The following SERGEF variants were observed in gnomAD, a reference collection of about 807,000 sequenced individuals.
SERGEF encodes the protein secretion-regulating guanine nucleotide exchange factor.
Under a neutral mutation model 50.0 loss-of-function variants are expected in SERGEF, and 51 were observed. The observed-to-expected ratio is 1.02, with a 90% CI of 0.81 to 1.29. The LOEUF (loss-of-function observed/expected upper bound fraction) is 1.29. Ranked by LOEUF, SERGEF falls within the 50% of genes most tolerant of loss-of-function variation. SERGEF has a pLI of 0.00. For synonymous variants in SERGEF, 205 were observed against 212.4 expected (o/e 0.97, Z 0.30); for missense variants, 521 against 557.0 (o/e 0.94, Z 0.65).
intron 9 of SERGEF, among the ~76,000 whole-genome samples, chr11:17,895,958 A>G (rs1482186504): frequency 6.6e-6 from 1 of 152,224 alleles, no homozygotes; most frequent in Non-Finnish European, 1.5e-5. Context: ...TTATAGCATC[A>G]TAGGAATATA....
chr11:17,842,777 T>C (rs1850528632), intron 10 of SERGEF, among the ~76,000 whole-genome samples: 1 of 152,176 alleles, frequency 6.6e-6, no homozygotes, highest in Admixed American at 6.5e-5. Context: ...GATAAGCACT[T>C]ACCATTTTGC....
chr11:17,886,972 G>T (rs563808881), intron 9 of SERGEF, among the ~76,000 whole-genome samples: 6 of 152,250 alleles, frequency 3.9e-5, no homozygotes, highest in Middle Eastern at 3.4e-3. Context: ...TGAAAATTCT[G>T]CCTTGAAACA....
intron 10 of SERGEF, among the ~76,000 whole-genome samples, chr11:17,852,615 A>G (rs1274776640): frequency 6.6e-6 from 1 of 152,242 alleles, no homozygotes. Context: ...GTCATAAATC[A>G]TAATAAAGGA....
In SERGEF at chr11:17,862,212, C is replaced by T. The variant is rs148124405; in HGVS notation, c.1048+15996G>A. On this transcript the variant is annotated intron_variant, in intron 10 of 10. Transcript: ENST00000265965. ...TACCTTTCTCTTCTTCATACTCATC[C>T]GTTAAGACCCACTTCAAGGATCATC... Among the ~76,000 whole-genome samples the T allele has an allele frequency of 6.8e-4, 104 of 152,284 alleles. 2 individuals carry two copies. Among genetic ancestry groups the T allele is most frequent in the African/African-American group, 2.3e-3 (95 of 41,560 alleles).
At chr11:17,924,535 C>T (rs1377406820) in intron 9 of SERGEF, among the ~76,000 whole-genome samples, 2 of 152,028 alleles carry the variant, frequency 1.3e-5, no homozygotes, top group African/African-American at 4.8e-5. Flanking sequence ...CTGGAAGATA[C>T]TGAAAAGCCA....
intron 10 of SERGEF, among the ~76,000 whole-genome samples, chr11:17,835,916 C>T (rs1171393933): frequency 6.6e-6 from 1 of 152,188 alleles, no homozygotes; most frequent in Non-Finnish European, 1.5e-5. Context: ...GATAACTGGG[C>T]TTGCTCTGAA....
At chr11:18,004,709 A>G (rs891501706) in intron 3 of SERGEF, among the ~76,000 whole-genome samples, 174 bp from the exon 4 acceptor site, 2 of 152,228 alleles carry the variant, frequency 1.3e-5, no homozygotes, top group African/African-American at 4.8e-5. Context: ...CACCAGGTTA[A>G]GCACTCTACA....
At chr11:17,989,691 G>C (rs919343105) in intron 7 of SERGEF, among the ~76,000 whole-genome samples, 1 of 152,198 alleles carries the variant, frequency 6.6e-6, no homozygotes, top group Non-Finnish European at 1.5e-5. Context: ...ATCTACAGCT[G>C]TACTACCCAA....
chr11:17,956,532 A>C (rs544813308), intron 9 of SERGEF, among the ~76,000 whole-genome samples: 1 of 152,340 alleles, frequency 6.6e-6, no homozygotes, highest in South Asian at 2.1e-4. Flanking sequence ...ATTGGCCTAT[A>C]ATAAGCACTA....
chr11:17,906,398 T>C (rs1392109171), intron 9 of SERGEF, among the ~76,000 whole-genome samples: 1 of 152,164 alleles, frequency 6.6e-6, no homozygotes, highest in Non-Finnish European at 1.5e-5. Context: ...GAAAAAGCCA[T>C]TCTTGAGCTG....
At chr11:17,829,691 G>T (rs953975731) in intron 10 of SERGEF, among the ~76,000 whole-genome samples, 1 of 152,102 alleles carries the variant, frequency 6.6e-6, no homozygotes, top group East Asian at 1.9e-4. Context: ...TATCAGCTGT[G>T]AAAAAGTAAA....
At chr11:17,867,973 C>T (rs564173597) in intron 10 of SERGEF, among the ~76,000 whole-genome samples, 2 of 152,268 alleles carry the variant, frequency 1.3e-5, no homozygotes, top group Non-Finnish European at 1.5e-5. Flanking sequence ...CCCAGAAAAC[C>T]GTCTTTTCCT....
intron 10 of SERGEF, among the ~76,000 whole-genome samples, chr11:17,792,574 G>T (rs1441541438): frequency 6.6e-6 from 1 of 152,210 alleles, no homozygotes; most frequent in Non-Finnish European, 1.5e-5. Flanking sequence ...GGATTTTCAT[G>T]CCCACTGGGT....
chr11:17,803,822 C>CCCTT (rs1380144624), intron 10 of SERGEF, among the ~76,000 whole-genome samples: 1 of 152,196 alleles, frequency 6.6e-6, no homozygotes, highest in Non-Finnish European at 1.5e-5. Flanking sequence ...CTCCATGGAC[C>CCCTT]CCTTGCATGG....
intron 8 of SERGEF, among the ~76,000 whole-genome samples, chr11:17,984,847 G>A (rs1853563226): frequency 6.6e-6 from 1 of 152,174 alleles, no homozygotes; most frequent in African/African-American, 2.4e-5. Flanking sequence ...TATGTATCAG[G>A]CCTGTGCCAG....
chr11:18,001,811 C>T (rs1323307028), intron 4 of SERGEF: 4 of 232,240 alleles, frequency 1.7e-5, no homozygotes, highest in Non-Finnish European at 2.6e-5. Context: ...TCTAGTTGTT[C>T]AATCTTTCTC....
chr11:17,953,795 TA>T (rs1409853887), intron 9 of SERGEF, among the ~76,000 whole-genome samples: 3 of 152,136 alleles, frequency 2.0e-5, no homozygotes, highest in Non-Finnish European at 4.4e-5. Flanking sequence ...TAAATATAAA[TA>T]AGAAAATAGT....
chr11:17,866,218 T>C (rs1851019972), intron 10 of SERGEF, among the ~76,000 whole-genome samples: 1 of 152,238 alleles, frequency 6.6e-6, no homozygotes, highest in South Asian at 2.1e-4. Context: ...GCTCTGCTAC[T>C]GACCAGCTGT....
intron 10 of SERGEF, among the ~76,000 whole-genome samples, chr11:17,825,648 G>T: frequency 6.6e-6 from 1 of 152,134 alleles, no homozygotes; most frequent in East Asian, 1.9e-4. Flanking sequence ...AGAGTTCCAT[G>T]GTTTGCACAC....
Sources: allele counts gnomAD v4.1 joint callset (sites outside exome capture counted in the v4.1 genomes callset), GRCh38; gene constraint gnomAD v4.1.1; transcripts MANE v1.5; gene names NCBI Gene and HGNC (gene_info 2026-07-23, HGNC 2026-07-21).